SGCD: variants seen among roughly 807,000 people sequenced by gnomAD.
SGCD encodes delta-sarcoglycan.
SGCD carries 18 observed loss-of-function variants against 36.6 expected under a neutral mutation model. That is an observed-to-expected ratio of 0.49 (90% CI 0.34 to 0.73). The LOEUF (loss-of-function observed/expected upper bound fraction) is 0.73. Ranked by LOEUF, SGCD falls within the 30% of genes least tolerant of loss-of-function variation. SGCD has a pLI of 0.01. For missense variants in SGCD, 387 were observed against 346.7 expected (o/e 1.12, Z -0.92); for synonymous variants, 133 against 130.6 (o/e 1.02, Z -0.12).
At chr5:156,043,616 T>C (rs1759689793) in intron 1 of SGCD, among the ~76,000 whole-genome samples, 1 of 152,190 alleles carries the variant, frequency 6.6e-6, no homozygotes. Context: ...TTTTGTCACC[T>C]GGTGCATGAC....
chr5:156,211,400 G>A (rs947191639), intron 3 of SGCD, among the ~76,000 whole-genome samples: 5 of 152,138 alleles, frequency 3.3e-5, no homozygotes, highest in Non-Finnish European at 4.4e-5. Flanking sequence ...GTGGTCAGGA[G>A]ATCGAGACCA....
intron 1 of SGCD, among the ~76,000 whole-genome samples, chr5:155,902,321 C>A (rs1196905209): frequency 6.6e-6 from 1 of 152,206 alleles, no homozygotes; most frequent in African/African-American, 2.4e-5. Flanking sequence ...TGGTCACTTA[C>A]TGTGCACTAA....
At chr5:156,228,449 A>G (rs1042023823) in intron 3 of SGCD, among the ~76,000 whole-genome samples, 1 of 152,164 alleles carries the variant, frequency 6.6e-6, no homozygotes, top group Non-Finnish European at 1.5e-5. Flanking sequence ...GTCTAATGTA[A>G]GAATAGCTAC....
intron 7 of SGCD, among the ~76,000 whole-genome samples, chr5:156,685,449 A>G (rs1247781549): frequency 2.6e-5 from 4 of 152,202 alleles, no homozygotes; most frequent in Admixed American, 2.6e-4. Context: ...GCTGTCTAGA[A>G]TGCTTTAGAA....
chr5:156,603,316 GTCTTC>G (rs1761276850), intron 6 of SGCD, among the ~76,000 whole-genome samples: 1 of 151,844 alleles, frequency 6.6e-6, no homozygotes, highest in South Asian at 2.1e-4. Context: ...TTTTATTTGA[GTCTTC>G]TCTTTTTGTA....
At chr5:156,685,923 G>A (rs1402758704) in intron 7 of SGCD, among the ~76,000 whole-genome samples, 2 of 152,184 alleles carry the variant, frequency 1.3e-5, no homozygotes, top group Non-Finnish European at 2.9e-5. Flanking sequence ...CCTGAGGGTG[G>A]AGGGTGGGAG....
chr5:155,738,209 G>C, the SGCD span, among the ~76,000 whole-genome samples: 1 of 152,084 alleles, frequency 6.6e-6, no homozygotes, highest in Non-Finnish European at 1.5e-5. Flanking sequence ...ACTTGAACTG[G>C]GGGCAGAATT....
chr5:156,201,825 T>C (rs1764158414), intron 3 of SGCD, among the ~76,000 whole-genome samples: 1 of 152,076 alleles, frequency 6.6e-6, no homozygotes, highest in African/African-American at 2.4e-5. Flanking sequence ...ATGCTGAGTT[T>C]TTGATCTTGT....
intron 3 of SGCD, among the ~76,000 whole-genome samples, chr5:156,503,406 T>A (rs1182929452): frequency 6.6e-6 from 1 of 152,180 alleles, no homozygotes; most frequent in African/African-American, 2.4e-5. Context: ...GTAATAAAAG[T>A]ATCTATCATA....
intron 1 of SGCD, among the ~76,000 whole-genome samples, chr5:155,973,240 AG>A (rs1468879293): frequency 6.6e-6 from 1 of 152,180 alleles, no homozygotes; most frequent in Non-Finnish European, 1.5e-5. Flanking sequence ...TTTGCAGTGA[AG>A]TCCAAACCAG....
chr5:155,914,844 T>A (rs1395686835), intron 1 of SGCD, among the ~76,000 whole-genome samples: 2 of 152,184 alleles, frequency 1.3e-5, no homozygotes, highest in African/African-American at 2.4e-5. Context: ...ACAATTCACT[T>A]GGCTTACCAG....
At chr5:156,132,247 G>GTGTGTGTGTT (rs2057541863) in intron 3 of SGCD, among the ~76,000 whole-genome samples, 1 of 151,998 alleles carries the variant, frequency 6.6e-6, no homozygotes, top group Non-Finnish European at 1.5e-5. Flanking sequence ...GTTTGTGTGT[G>GTGTGTGTGTT]TGTGTGTGTT....
intron 3 of SGCD, among the ~76,000 whole-genome samples, chr5:156,298,814 G>T (rs866707784): frequency 3.9e-5 from 6 of 151,958 alleles, no homozygotes; most frequent in Middle Eastern, 6.8e-3. Context: ...TCCTATAGAG[G>T]TATTGGAGCT....
the SGCD span, among the ~76,000 whole-genome samples, chr5:155,742,699 T>C: frequency 6.6e-6 from 1 of 152,192 alleles, no homozygotes; most frequent in Non-Finnish European, 1.5e-5. Context: ...CAGATGGGTG[T>C]CCTATAATTC....
the SGCD span, among the ~76,000 whole-genome samples, chr5:155,732,567 G>T: frequency 6.6e-6 from 1 of 152,140 alleles, no homozygotes; most frequent in Admixed American, 6.5e-5. Context: ...CCAGAACTTG[G>T]ACCAGCACCC....
chr5:156,169,136 C>A (rs1278417092), intron 3 of SGCD, among the ~76,000 whole-genome samples: 4 of 152,226 alleles, frequency 2.6e-5, no homozygotes, highest in Non-Finnish European at 5.9e-5. Flanking sequence ...CCCCAGGCTC[C>A]TTGATTATCT....
chr5:156,729,858 A>G (rs1448864486), intron 7 of SGCD, among the ~76,000 whole-genome samples: 1 of 152,196 alleles, frequency 6.6e-6, no homozygotes, highest in Non-Finnish European at 1.5e-5. Context: ...GTGAGCTACT[A>G]TGTAGATTAA....
At chr5:156,075,440 A>C (rs750086902) in intron 1 of SGCD, among the ~76,000 whole-genome samples, 2 of 152,230 alleles carry the variant, frequency 1.3e-5, no homozygotes, top group Non-Finnish European at 2.9e-5. Context: ...GAGGTAGTCT[A>C]TAAGAGACTT....
At chr5:155,789,063 T>A in the SGCD span, among the ~76,000 whole-genome samples, 1 of 152,196 alleles carries the variant, frequency 6.6e-6, no homozygotes, top group African/African-American at 2.4e-5. Flanking sequence ...AGTATTTTTT[T>A]ACCTGTTTCT....
Sources: gnomAD v4.1 joint callset for allele counts (sites outside exome capture counted in the v4.1 genomes callset) on GRCh38, gnomAD v4.1.1 for gene constraint, MANE v1.5 for transcripts, NCBI Gene and HGNC (gene_info 2026-07-23, HGNC 2026-07-21) for gene names.